The following TBC1D32 variants were observed in gnomAD, a reference collection of about 807,000 sequenced individuals.
The protein encoded by TBC1D32 is protein broad-minded.
A neutral mutation model predicts 170.3 loss-of-function variants in TBC1D32; 151 were observed. That is an observed-to-expected ratio of 0.89 (90% CI 0.78 to 1.01). The LOEUF (loss-of-function observed/expected upper bound fraction) is 1.01. TBC1D32 is among the 50% of genes least tolerant of loss of function. The pLI, the probability that TBC1D32 is intolerant of heterozygous loss-of-function variation, is 0.00. For synonymous variants in TBC1D32, 498 were observed against 488.0 expected (o/e 1.02, Z -0.27); for missense variants, 1,464 against 1,457.1 (o/e 1.00, Z -0.08).
At chr6:121,188,934 A>C (rs1208516978) in intron 22 of TBC1D32, among the ~76,000 whole-genome samples, 1 of 152,152 alleles carries the variant, frequency 6.6e-6, no homozygotes, top group Non-Finnish European at 1.5e-5. Flanking sequence ...CCTTTGCTCC[A>C]ATAGATAAAA....
chr6:121,214,374 A>G (rs1793543653), intron 21 of TBC1D32, among the ~76,000 whole-genome samples: 2 of 152,100 alleles, frequency 1.3e-5, no homozygotes, highest in South Asian at 4.2e-4. Flanking sequence ...CATGCTACCA[A>G]CCCAGATCCC....
chr6:121,196,229 T>A (rs1827299), intron 22 of TBC1D32, among the ~76,000 whole-genome samples: 59 of 152,120 alleles, frequency 3.9e-4, no homozygotes, highest in African/African-American at 1.3e-3. Flanking sequence ...AAGTGGCCAC[T>A]GTGGCAGGGA....
At chr6:121,141,167 C>T (rs113705277) in intron 24 of TBC1D32, among the ~76,000 whole-genome samples, 2,180 of 152,104 alleles carry the variant, frequency 0.014, 14 homozygotes, top group Middle Eastern at 0.031. Flanking sequence ...TACAAATACT[C>T]TTAGAGAAAT....
intron 24 of TBC1D32, among the ~76,000 whole-genome samples, chr6:121,143,851 C>A (rs1266012317): frequency 6.6e-6 from 1 of 151,946 alleles, no homozygotes; most frequent in African/African-American, 2.4e-5. Context: ...AAAAGCATCA[C>A]TCTACTCTCT....
At chr6:121,175,597 A>C (rs1455074775) in intron 22 of TBC1D32, among the ~76,000 whole-genome samples, 1 of 152,196 alleles carries the variant, frequency 6.6e-6, no homozygotes, top group Admixed American at 6.5e-5. Context: ...CCATATAATC[A>C]TCGGAACAGA....
intron 21 of TBC1D32, among the ~76,000 whole-genome samples, chr6:121,220,174 T>C (rs1449407626): frequency 2.6e-5 from 4 of 152,124 alleles, no homozygotes; most frequent in East Asian, 3.8e-4. Context: ...TGACTAAGCT[T>C]GTTGAGGAAA....
At chr6:121,322,790 G>A (rs1809919273) in intron 1 of TBC1D32, among the ~76,000 whole-genome samples, 1 of 152,070 alleles carries the variant, frequency 6.6e-6, no homozygotes, top group Non-Finnish European at 1.5e-5. Flanking sequence ...ATAGCATTGG[G>A]GAAAGGTTTA....
Position 121,256,301 on chromosome 6 carries a change from T to C in TBC1D32, c.1734-16A>G, listed in dbSNP as rs1401729588. ...ACCTGTAGGACTAAAAGATGATACC[T>C]GAAAGTGATTCCAAGGTTATATTAA... On this transcript the variant is annotated splice_polypyrimidine_tract_variant and intron_variant, in intron 15 of 31. Transcript: ENST00000398212. 1 of 1,589,114 alleles carries C rather than the reference T, an allele frequency of 6.3e-7. No individual in the cohort carries two copies. Among genetic ancestry groups the C allele is most frequent in the South Asian group, 1.1e-5 (1 of 88,120 alleles).
At chr6:121,254,079 C>A (rs977376427) in intron 17 of TBC1D32, among the ~76,000 whole-genome samples, 2 of 152,002 alleles carry the variant, frequency 1.3e-5, no homozygotes, top group Non-Finnish European at 2.9e-5. Context: ...GAAATAATGT[C>A]TTTTGCACCA....
chr6:121,233,866 G>C (rs1388496220), intron 20 of TBC1D32, among the ~76,000 whole-genome samples: 1 of 152,162 alleles, frequency 6.6e-6, no homozygotes, highest in African/African-American at 2.4e-5. Context: ...TTTGTTTCAA[G>C]ATTTAGAGCT....
intron 31 of TBC1D32, among the ~76,000 whole-genome samples, chr6:121,082,883 A>T (rs1775783876): frequency 6.6e-6 from 1 of 152,028 alleles, no homozygotes; most frequent in African/African-American, 2.4e-5. Context: ...CTTATTTCAT[A>T]AGAGAAAAAT....
intron 1 of TBC1D32, among the ~76,000 whole-genome samples, chr6:121,328,448 G>A (rs1583787549): frequency 6.6e-6 from 1 of 151,474 alleles, no homozygotes; most frequent in East Asian, 1.9e-4. Context: ...ACCACACCTG[G>A]CTAATTTTTT....
chr6:121,157,481 G>T (rs1785053146), intron 24 of TBC1D32, among the ~76,000 whole-genome samples: 1 of 152,108 alleles, frequency 6.6e-6, no homozygotes, highest in African/African-American at 2.4e-5. Context: ...CTTTTTAAGT[G>T]GGGTGTTTAG....
intron 20 of TBC1D32, among the ~76,000 whole-genome samples, chr6:121,226,659 C>T (rs1238749981): frequency 1.3e-5 from 2 of 152,030 alleles, no homozygotes; most frequent in Non-Finnish European, 2.9e-5. Flanking sequence ...CAAATAGTTA[C>T]TCATAAGGTT....
intron 10 of TBC1D32, among the ~76,000 whole-genome samples, chr6:121,296,657 T>C (rs1490373919): frequency 6.6e-6 from 1 of 152,096 alleles, no homozygotes. Context: ...CTTCCATGGT[T>C]CCATCATCTT....
At position 121,231,864 on chromosome 6, in the gene TBC1D32, G is replaced by A. The variant is rs189508496; in HGVS notation, c.2364+7206C>T. Among the ~76,000 whole-genome samples, 174 of 152,182 alleles carry A rather than the reference G, an allele frequency of 1.1e-3. 1 individual carries two copies. Among genetic ancestry groups the A allele is most frequent in the Non-Finnish European group, 8.5e-4 (58 of 67,978 alleles). ...TTGTGAAGATTTTCTCCCACTCTGT[G>A]GGTTGTCTGTTTACTCTGCTGATTA... On this transcript the variant is annotated intron_variant, in intron 20 of 31. Transcript: ENST00000398212.
chr6:121,285,099 G>A (rs952752104), intron 12 of TBC1D32, among the ~76,000 whole-genome samples: 1 of 152,158 alleles, frequency 6.6e-6, no homozygotes. Flanking sequence ...TATAGCCATT[G>A]TGGGCTGATT....
Position 121,195,440 on chromosome 6 carries a change from T to C in TBC1D32, c.2570+9635A>G, listed in dbSNP as rs184034004. On this transcript the variant is annotated intron_variant, in intron 22 of 31. Coordinates refer to ENST00000398212, the MANE Select transcript of TBC1D32 (RefSeq NM_152730.6). ...TTACTGGGCTTTGGTGGAAACTGAA[T>C]GTTTGACTGTGGGTCAAGTCACCAT... 7.6e-3 allele frequency among the ~76,000 whole-genome samples: 1,162 copies of C among 152,282 alleles called. 19 individuals are homozygous for C. Among genetic ancestry groups the C allele is most frequent in the African/African-American group, 0.027 (1,114 of 41,554 alleles).
chr6:121,192,071 T>TAA (rs1790135576), intron 22 of TBC1D32, among the ~76,000 whole-genome samples: 1 of 134,598 alleles, frequency 7.4e-6, no homozygotes, highest in Non-Finnish European at 1.6e-5. Flanking sequence ...ACCCTTTATA[T>TAA]ATATATATAT....
Sources: allele counts gnomAD v4.1 joint callset (sites outside exome capture counted in the v4.1 genomes callset), GRCh38; gene constraint gnomAD v4.1.1; transcripts MANE v1.5; gene names NCBI Gene and HGNC (gene_info 2026-07-23, HGNC 2026-07-21).